The following SATB2 variants were observed in gnomAD, a reference collection of about 807,000 sequenced individuals.
SATB2 encodes DNA-binding protein SATB2.
SATB2 carries 1 observed loss-of-function variant against 73.4 expected under a neutral mutation model. That is an observed-to-expected ratio of 0.01 (90% confidence interval 0.00 to 0.06). The LOEUF is 0.06. Among genes scored for constraint, SATB2 ranks in the 10% least tolerant of loss-of-function variants. SATB2 has a pLI of 1.00. For missense variants in SATB2, 459 were observed against 945.8 expected, an observed-to-expected ratio of 0.49 and a Z score of 6.75; for synonymous variants, 397 against 367.0, an observed-to-expected ratio of 1.08 and a Z score of -0.93.
At chr2:199,417,632 T>C (rs965204885) in intron 3 of SATB2, among the ~76,000 whole-genome samples, 3 of 152,178 alleles carry the variant, frequency 2.0e-5, no homozygotes, top group African/African-American at 7.2e-5. Context: ...CCCAAGACTA[T>C]AACTCACTAA....
chr2:199,310,716 A>G (rs1234400438), intron 9 of SATB2, among the ~76,000 whole-genome samples: 1 of 152,228 alleles, frequency 6.6e-6, no homozygotes, highest in Non-Finnish European at 1.5e-5. Context: ...AGGCAAGAGC[A>G]TGGAGACTAA....
At chr2:199,318,066 GCAGCTACT>G (rs1264217629) in intron 9 of SATB2, among the ~76,000 whole-genome samples, 1 of 151,912 alleles carries the variant, frequency 6.6e-6, no homozygotes, top group East Asian at 1.9e-4. Flanking sequence ...AAGCTACCTG[GCAGCTACT>G]CAGTCAAGGC....
At chr2:199,421,499 T>C (rs983910718) in intron 3 of SATB2, among the ~76,000 whole-genome samples, 1 of 152,214 alleles carries the variant, frequency 6.6e-6, no homozygotes, top group African/African-American at 2.4e-5. Flanking sequence ...ATCTCCATCC[T>C]ACTGCACACA....
At chr2:199,293,115 T>C (rs575107896) in intron 10 of SATB2, among the ~76,000 whole-genome samples, 1 of 152,182 alleles carries the variant, frequency 6.6e-6, no homozygotes, top group East Asian at 1.9e-4. Flanking sequence ...TTTTTTCTGT[T>C]CCCTGGAATT....
chr2:199,270,756 G>C lies in SATB2; in HGVS notation c.*1455C>G, dbSNP rs1346845094. The C allele has an allele frequency of 6.6e-6, 1 of 152,342 alleles. No individual in the cohort carries two copies. The highest frequency in any genetic ancestry group is 2.4e-5 in the African/African-American group (1 of 41,444). The allele number at this position is 152,342 out of a possible 1,614,324, so 9.4% of individuals were successfully genotyped here. ...CAGCATTAGTTCTGCTTTACATAAG[G>C]TAATTGCGATGTAGGTAACTGGGAT... On this transcript the variant is annotated 3_prime_UTR_variant, in exon 11 of 11. Transcript: ENST00000417098.
Position 199,303,686 on chromosome 2 carries a change from C to T in SATB2, c.1740+5074G>A, listed in dbSNP as rs115733147. Among the ~76,000 whole-genome samples the T allele has an allele frequency of 4.8e-3, 735 of 152,158 alleles. 3 individuals carry two copies. The highest frequency in any genetic ancestry group is 0.017 in the African/African-American group (691 of 41,524). On this transcript the variant is annotated intron_variant, in intron 10 of 10. Transcript: ENST00000417098. Reference sequence around the variant, plus strand: ...GACTCCAGATATTGCCAAAATATCCCATGGAAGCAAAATCTCCCCTGGTTG... The same window carrying T: ...GACTCCAGATATTGCCAAAATATCCTATGGAAGCAAAATCTCCCCTGGTTG...
intron 10 of SATB2, among the ~76,000 whole-genome samples, chr2:199,289,031 T>G (rs1692769175): frequency 6.6e-6 from 1 of 152,196 alleles, no homozygotes; most frequent in South Asian, 2.1e-4. Flanking sequence ...CTTGGTATTA[T>G]TTTCTTGCAA....
intron 3 of SATB2, among the ~76,000 whole-genome samples, chr2:199,402,255 C>T (rs1690504431): frequency 1.3e-5 from 2 of 152,168 alleles, no homozygotes; most frequent in South Asian, 2.1e-4. Flanking sequence ...CGTAGTGGTG[C>T]GCACCTGTAG....
intron 6 of SATB2, among the ~76,000 whole-genome samples, chr2:199,352,660 G>A (rs564055268): frequency 6.6e-6 from 1 of 152,294 alleles, no homozygotes; most frequent in South Asian, 2.1e-4. Context: ...ACCTGTTCAG[G>A]TAGATAACAG....
At chr2:199,452,719 T>A (rs1238649480) in intron 2 of SATB2, among the ~76,000 whole-genome samples, 1 of 152,138 alleles carries the variant, frequency 6.6e-6, no homozygotes, top group East Asian at 1.9e-4. Context: ...GTGCTCTTGC[T>A]AGCTCTAAAC....
intron 7 of SATB2, among the ~76,000 whole-genome samples, chr2:199,337,120 T>C (rs990063666): frequency 6.6e-6 from 1 of 152,150 alleles, no homozygotes; most frequent in East Asian, 1.9e-4. Context: ...GACACTCTAG[T>C]TATATTTTGC....
intron 9 of SATB2, among the ~76,000 whole-genome samples, chr2:199,323,524 G>A (rs1465047671): frequency 7.4e-6 from 1 of 135,870 alleles, no homozygotes; most frequent in African/African-American, 2.7e-5. Flanking sequence ...TAAAGGGAGA[G>A]AAACAAAAGG....
At position 199,356,266 on chromosome 2, in the gene SATB2, C is replaced by T. The variant is rs1296911499; in HGVS notation, c.701-7093G>A. Among the ~76,000 whole-genome samples the T allele has an allele frequency of 6.7e-5, 10 of 148,418 alleles. No individual in the cohort carries two copies. In the South Asian group the frequency reaches 8.7e-4, roughly 13 times the overall value. On this transcript the variant is annotated intron_variant, in intron 6 of 10. Transcript: ENST00000417098. ...AAAAAAAGAAAGAAAGAAAAGACGA[C>T]GGCAGAATTTCTCTACGATTCTTTC...
intron 6 of SATB2, among the ~76,000 whole-genome samples, chr2:199,362,530 G>A (rs368154270): frequency 5.3e-5 from 8 of 152,202 alleles, no homozygotes; most frequent in African/African-American, 1.7e-4. Flanking sequence ...TCTTACGTGT[G>A]TATGGACATT....
chr2:199,384,568 G>T (rs1689873325), intron 3 of SATB2, among the ~76,000 whole-genome samples: 1 of 152,184 alleles, frequency 6.6e-6, no homozygotes, highest in African/African-American at 2.4e-5. Context: ...ATATAAAATA[G>T]ACAAAAATAT....
At chr2:199,418,329 G>A (rs1260838627) in intron 3 of SATB2, among the ~76,000 whole-genome samples, 1 of 152,130 alleles carries the variant, frequency 6.6e-6, no homozygotes, top group Non-Finnish European at 1.5e-5. Context: ...GTCAGAACCA[G>A]ATTGTAAAAG....
intron 6 of SATB2, among the ~76,000 whole-genome samples, chr2:199,350,358 A>T (rs544173231): frequency 1.3e-5 from 2 of 152,094 alleles, no homozygotes; most frequent in African/African-American, 2.4e-5. Context: ...AAAAAAAAAA[A>T]TACTGAGTCT....
chr2:199,376,377 T>A (rs1689605910), intron 5 of SATB2, among the ~76,000 whole-genome samples: 1 of 152,334 alleles, frequency 6.6e-6, no homozygotes, highest in African/African-American at 2.4e-5. Flanking sequence ...GAAACATTTT[T>A]AAACTTAATT....
chr2:199,458,295 G>C (rs935267286), upstream of SATB2: 1 of 236,744 alleles, frequency 4.2e-6, no homozygotes, highest in Non-Finnish European at 8.4e-6. Context: ...TGAGCACGGC[G>C]ACCCAACGGC....
Sources: gnomAD v4.1 joint callset for allele counts (sites outside exome capture counted in the v4.1 genomes callset) on GRCh38, gnomAD v4.1.1 for gene constraint, MANE v1.5 for transcripts, NCBI Gene and HGNC (gene_info 2026-07-23, HGNC 2026-07-21) for gene names.